The following FBXL7 variants were observed in gnomAD, a reference collection of about 807,000 sequenced individuals.
FBXL7 encodes F-box/LRR-repeat protein 7.
Under a neutral mutation model 38.3 loss-of-function variants are expected in FBXL7, and 12 were observed. That is an observed-to-expected ratio of 0.31 (90% confidence interval 0.20 to 0.51). The LOEUF (loss-of-function observed/expected upper bound fraction) is 0.51, where lower values mean the gene tolerates loss of function less well. FBXL7 is among the 20% of genes least tolerant of loss of function. FBXL7 has a pLI of 0.98. For missense variants in FBXL7, 567 were observed against 676.4 expected (o/e 0.84, Z 1.79); for synonymous variants, 297 against 300.9 (o/e 0.99, Z 0.13).
In FBXL7 at chr5:15,936,812, A is replaced by G. The variant is rs760716339; in HGVS notation, c.1102A>G (p.Ile368Val). 1 of 1,613,120 alleles carries G rather than the reference A, an allele frequency of 6.2e-7. No homozygotes were observed. Among genetic ancestry groups the G allele is most frequent in the Non-Finnish European group, 8.5e-7 (1 of 1,179,650 alleles). The change falls in exon 4 of 4, where the codon ATC becomes GTC. Residue 368 changes from isoleucine (I) to valine (V), a missense_variant. Coordinates refer to ENST00000504595, the MANE Select transcript of FBXL7 (RefSeq NM_012304.5). This position sits in a 1 kb window ranked among gnomAD's most constrained non-coding sequence, Gnocchi z 6.0. ...CTGCGGCCGGGTCACCGACGTGGGCATCCGCTACGTGGCCAAGTACTGCAG... is the reference window on the plus strand; with the variant it reads ...CTGCGGCCGGGTCACCGACGTGGGCGTCCGCTACGTGGCCAAGTACTGCAG... The part of the protein sequence containing the change: ...AHCGRVTDVG[I>V]RYVAKYCSKL...
chr5:15,652,124 A>T (rs1021600651), intron 2 of FBXL7, among the ~76,000 whole-genome samples: 13 of 152,152 alleles, frequency 8.5e-5, no homozygotes, highest in Admixed American at 8.5e-4. Flanking sequence ...CTTGCTCTGG[A>T]TTAGGCTTTA....
chr5:15,836,611 CTGTT>C (rs1738598510), intron 2 of FBXL7, among the ~76,000 whole-genome samples: 1 of 151,972 alleles, frequency 6.6e-6, no homozygotes, highest in Non-Finnish European at 1.5e-5. Flanking sequence ...TGTGCCTCGT[CTGTT>C]TGAAGAACAG....
intron 3 of FBXL7, among the ~76,000 whole-genome samples, chr5:15,929,041 T>G (rs1421322838): frequency 6.6e-6 from 1 of 152,134 alleles, no homozygotes; most frequent in East Asian, 1.9e-4. Flanking sequence ...TTAGAAACTA[T>G]CCTCGCGCCC....
At chr5:15,572,302 T>G (rs1738813884) in intron 1 of FBXL7, among the ~76,000 whole-genome samples, 1 of 151,854 alleles carries the variant, frequency 6.6e-6, no homozygotes. Flanking sequence ...TGCAAAGTCT[T>G]TTGGTGGTTT....
intron 2 of FBXL7, among the ~76,000 whole-genome samples, chr5:15,843,772 A>G (rs1251834530): frequency 6.6e-6 from 1 of 151,870 alleles, no homozygotes; most frequent in Non-Finnish European, 1.5e-5. Flanking sequence ...TGTCAGATGA[A>G]TAATCTTTAA....
intron 1 of FBXL7, among the ~76,000 whole-genome samples, chr5:15,590,101 T>C (rs1048095472): frequency 1.3e-5 from 2 of 152,170 alleles, no homozygotes; most frequent in East Asian, 1.9e-4. Context: ...TAGGAAGATA[T>C]GCTTGGAAGA....
rs550601304 is a variant in FBXL7, at chr5:15,680,294, G to A, written c.127+64222G>A. Among the ~76,000 whole-genome samples, 4 of 152,270 alleles carry A rather than the reference G, an allele frequency of 2.6e-5. No individual in the cohort carries two copies. The East Asian group carries it at 7.7e-4, about 29-fold the overall frequency. On this transcript the variant is annotated intron_variant, in intron 2 of 3. Coordinates refer to ENST00000504595, the MANE Select transcript of FBXL7 (RefSeq NM_012304.5). Reference sequence around the variant, plus strand: ...GGAATTTTTGGGTAAAATTCTTTTAGTATATAAGAAGGTGCTAAAGTTATA... The same window carrying A: ...GGAATTTTTGGGTAAAATTCTTTTAATATATAAGAAGGTGCTAAAGTTATA...
chr5:15,936,469 C>T lies in FBXL7; in HGVS notation c.759C>T (p.Cys253=). Residue 253 remains cysteine (C), a synonymous_variant, in exon 4 of 4, where the codon TGC becomes TGT. Transcript: ENST00000504595. This position sits in a 1 kb window ranked among gnomAD's most constrained non-coding sequence, Gnocchi z 6.0. ...GTGCAGGATGCTCCAAAGTGACCTGCATCAGCTTGACCCGGGAGGCCTCCA... is the reference window on the plus strand; with the variant it reads ...GTGCAGGATGCTCCAAAGTGACCTGTATCAGCTTGACCCGGGAGGCCTCCA... ...LDVSGCSKVT[C]ISLTREASIK... The T allele has an allele frequency of 6.2e-7, 1 of 1,613,032 alleles. No homozygotes were observed. Among genetic ancestry groups the T allele is most frequent in the South Asian group, 1.1e-5 (1 of 91,056 alleles).
chr5:15,758,883 T>C (rs1736369013), intron 2 of FBXL7, among the ~76,000 whole-genome samples: 1 of 151,424 alleles, frequency 6.6e-6, no homozygotes, highest in Non-Finnish European at 1.5e-5. Context: ...ATTTACACTT[T>C]AGAGTAGTTA....
At chr5:15,617,059 TTCTC>T (rs139276953) in intron 2 of FBXL7, among the ~76,000 whole-genome samples, 4,805 of 152,306 alleles carry the variant, frequency 0.032, 243 homozygotes, top group African/African-American at 0.11. Flanking sequence ...GATCCATGAT[TTCTC>T]TCTATCTGCA....
chr5:15,896,491 G>C (rs1178777456), intron 2 of FBXL7, among the ~76,000 whole-genome samples: 1 of 152,194 alleles, frequency 6.6e-6, no homozygotes, highest in African/African-American at 2.4e-5. Flanking sequence ...GAAGATAATG[G>C]TCTTTAAGCC....
intron 2 of FBXL7, among the ~76,000 whole-genome samples, chr5:15,621,208 T>C (rs556984698): frequency 1.3e-5 from 2 of 152,328 alleles, no homozygotes; most frequent in African/African-American, 4.8e-5. Context: ...GCTTTCTCCC[T>C]GATAAGTGGT....
chr5:15,644,323 AAAAAG>A (rs972657487), intron 2 of FBXL7, among the ~76,000 whole-genome samples: 4 of 143,272 alleles, frequency 2.8e-5, no homozygotes, highest in African/African-American at 1.0e-4. Flanking sequence ...AAAAAAAAAA[AAAAAG>A]GCCAGGCGTG....
intron 1 of FBXL7, among the ~76,000 whole-genome samples, chr5:15,605,113 G>A (rs1256334386): frequency 6.6e-6 from 1 of 152,202 alleles, no homozygotes; most frequent in Non-Finnish European, 1.5e-5. Context: ...TCCTGGGGCT[G>A]CAGCAGGGCA....
At chr5:15,666,727 C>T (rs1316743213) in intron 2 of FBXL7, among the ~76,000 whole-genome samples, 2 of 152,218 alleles carry the variant, frequency 1.3e-5, no homozygotes, top group Non-Finnish European at 2.9e-5. Context: ...TGGATCATAT[C>T]ACAGCTATTC....
At chr5:15,715,489 CAAAAA>C (rs1157372026) in intron 2 of FBXL7, among the ~76,000 whole-genome samples, 11 of 75,278 alleles carry the variant, frequency 1.5e-4, no homozygotes, top group Non-Finnish European at 2.4e-4. Flanking sequence ...GACTCCGTCT[CAAAAA>C]AAAAAAAAAA....
At chr5:15,586,340 T>A (rs1739305056) in intron 1 of FBXL7, among the ~76,000 whole-genome samples, 1 of 135,176 alleles carries the variant, frequency 7.4e-6, no homozygotes, top group Non-Finnish European at 1.6e-5. Context: ...TCCATCTCTC[T>A]CTTTCTCCCT....
intron 2 of FBXL7, among the ~76,000 whole-genome samples, chr5:15,786,445 C>A (rs564811092): frequency 7.0e-4 from 106 of 152,282 alleles, no homozygotes; most frequent in African/African-American, 2.3e-3. Flanking sequence ...ATGTTTTCTA[C>A]TTCTTTCATT....
chr5:15,807,782 C>T (rs189653950), intron 2 of FBXL7, among the ~76,000 whole-genome samples: 10 of 152,120 alleles, frequency 6.6e-5, no homozygotes, highest in Admixed American at 5.9e-4. Flanking sequence ...CTTCTAATCG[C>T]AAATTACACA....
Sources: gnomAD v4.1 joint callset for allele counts (sites outside exome capture counted in the v4.1 genomes callset) on GRCh38, gnomAD v4.1.1 for gene constraint, Gnocchi (gnomAD v3.1) non-coding constraint, MANE v1.5 for transcripts, NCBI Gene and HGNC (gene_info 2026-07-23, HGNC 2026-07-21) for gene names.